Variants in DYM observed in about 807,000 individuals in gnomAD.
DYM encodes the protein dyggve-Melchior-Clausen syndrome protein.
DYM carries 78 observed loss-of-function variants against 93.1 expected under a neutral mutation model. The observed-to-expected ratio is 0.84, with a 90% confidence interval of 0.70 to 1.01. The LOEUF is 1.01. Ranked by LOEUF, DYM falls within the 50% of genes least tolerant of loss-of-function variation. DYM has a pLI of 0.00. For synonymous variants in DYM, 321 were observed against 319.7 expected (o/e 1.00, Z -0.04); for missense variants, 789 against 845.0 (o/e 0.93, Z 0.82).
chr18:49,102,986 G>A (rs1423406813), intron 16 of DYM, among the ~76,000 whole-genome samples: 1 of 152,098 alleles, frequency 6.6e-6, no homozygotes, highest in Non-Finnish European at 1.5e-5. Flanking sequence ...TTGAGGAATC[G>A]CCACACTGAC....
chr18:49,400,656 T>C (rs1412189517), intron 2 of DYM, among the ~76,000 whole-genome samples: 1 of 152,218 alleles, frequency 6.6e-6, no homozygotes. Flanking sequence ...TAGTTATTTC[T>C]ACAGAAGAAA....
chr18:49,242,723 G>A (rs969917087), intron 13 of DYM, among the ~76,000 whole-genome samples: 1 of 152,196 alleles, frequency 6.6e-6, no homozygotes, highest in South Asian at 2.1e-4. Context: ...TTTTTGAGAC[G>A]GAGTCTAGCT....
chr18:49,385,429 C>T (rs956608743), intron 3 of DYM, among the ~76,000 whole-genome samples: 1 of 152,198 alleles, frequency 6.6e-6, no homozygotes, highest in Admixed American at 6.5e-5. Context: ...GGCACAGTGG[C>T]TCAAGCCTGT....
rs193176599 is a variant in DYM, at chr18:49,244,656, G to A, written c.1460+12354C>T. 1.4e-3 allele frequency among the ~76,000 whole-genome samples: 213 copies of A among 152,064 alleles called. 3 individuals are homozygous for A. The highest frequency in any genetic ancestry group is 6.6e-4 in the Non-Finnish European group (45 of 67,982). ...ATATTATTGGATAACACAAATAACC[G>A]ATTGCATAGGATCCAGTATGTGTGT... On this transcript the variant is annotated intron_variant, in intron 13 of 17. Transcript: ENST00000675505.
chr18:49,149,573 AAC>A (rs1481307243), intron 15 of DYM, among the ~76,000 whole-genome samples: 1 of 152,068 alleles, frequency 6.6e-6, no homozygotes, highest in Non-Finnish European at 1.5e-5. Context: ...CTTACATTAG[AAC>A]AGAGGCTTCA....
intron 17 of DYM, among the ~76,000 whole-genome samples, chr18:49,083,631 GTTC>G (rs1422214365): frequency 1.3e-5 from 2 of 152,138 alleles, no homozygotes; most frequent in African/African-American, 4.8e-5. Flanking sequence ...ATGAGCCTGT[GTTC>G]TTCTTTATGG....
At chr18:49,302,606 G>A (rs913967811) in intron 8 of DYM, among the ~76,000 whole-genome samples, 3 of 152,152 alleles carry the variant, frequency 2.0e-5, no homozygotes, top group Non-Finnish European at 4.4e-5. Flanking sequence ...TGTTGAAGGC[G>A]GAGGTGGGGG....
chr18:49,114,647 A>C (rs750710682), intron 16 of DYM: 19 of 902,240 alleles, frequency 2.1e-5, no homozygotes, highest in Non-Finnish European at 2.4e-5. Flanking sequence ...GGTCTTTCAG[A>C]GACTTTTTTT....
chr18:49,112,572 T>C (rs2081520634), intron 16 of DYM, among the ~76,000 whole-genome samples: 1 of 152,160 alleles, frequency 6.6e-6, no homozygotes, highest in Admixed American at 6.5e-5. Context: ...AGTTATGATT[T>C]TGTAGTTTAC....
At chr18:49,215,273 T>C (rs773602709) in intron 13 of DYM, among the ~76,000 whole-genome samples, 1 of 152,206 alleles carries the variant, frequency 6.6e-6, no homozygotes, top group Non-Finnish European at 1.5e-5. Flanking sequence ...TCTCATGGGC[T>C]ATGGTTTTCA....
intron 6 of DYM, among the ~76,000 whole-genome samples, chr18:49,338,973 AAAG>A (rs2063872007): frequency 6.6e-6 from 1 of 152,260 alleles, no homozygotes; most frequent in East Asian, 1.9e-4. Context: ...TAATAGACTG[AAAG>A]AAGAACACGA....
chr18:49,074,871 T>C (rs1359718411), intron 17 of DYM, among the ~76,000 whole-genome samples: 2 of 152,216 alleles, frequency 1.3e-5, no homozygotes, highest in African/African-American at 4.8e-5. Context: ...TTTCAGATCG[T>C]CTCAAATTCA....
intron 17 of DYM, among the ~76,000 whole-genome samples, chr18:49,068,083 A>C (rs995524453): frequency 6.6e-6 from 1 of 152,252 alleles, no homozygotes; most frequent in Non-Finnish European, 1.5e-5. Flanking sequence ...AGGGGCAATG[A>C]CTAGTAATAG....
At chr18:49,321,754 A>AC (rs2062495339) in intron 8 of DYM, among the ~76,000 whole-genome samples, 1 of 151,844 alleles carries the variant, frequency 6.6e-6, no homozygotes, top group African/African-American at 2.4e-5. Flanking sequence ...AATCCTGAAA[A>AC]GGGGGGGAAA....
At chr18:49,393,910 C>T (rs1262009699) in intron 2 of DYM, among the ~76,000 whole-genome samples, 1 of 152,126 alleles carries the variant, frequency 6.6e-6, no homozygotes, top group African/African-American at 2.4e-5. Context: ...TATGATTCCT[C>T]TTATATGAGG....
At chr18:49,104,230 T>C (rs1192790657) in intron 16 of DYM, among the ~76,000 whole-genome samples, 1 of 152,194 alleles carries the variant, frequency 6.6e-6, no homozygotes, top group Non-Finnish European at 1.5e-5. Context: ...TATTGGTGTA[T>C]AAGAATGCTT....
chr18:49,183,987 C>G (rs2090182572), intron 14 of DYM, among the ~76,000 whole-genome samples: 3 of 152,280 alleles, frequency 2.0e-5, no homozygotes, highest in African/African-American at 7.2e-5. Flanking sequence ...CCTCACCAGA[C>G]CCCACTAGAC....
At chr18:49,164,010 T>G (rs1320625148) in intron 14 of DYM, among the ~76,000 whole-genome samples, 1 of 152,158 alleles carries the variant, frequency 6.6e-6, no homozygotes, top group Admixed American at 6.6e-5. Flanking sequence ...AATTTTTTAA[T>G]GACAGTTTAA....
At chr18:49,328,922 C>T (rs1462295156) in intron 8 of DYM, among the ~76,000 whole-genome samples, 2 of 152,114 alleles carry the variant, frequency 1.3e-5, no homozygotes, top group East Asian at 3.9e-4. Flanking sequence ...ACCCAGCCAT[C>T]CCATTACTGG....
Sources: gnomAD v4.1 joint callset for allele counts (sites outside exome capture counted in the v4.1 genomes callset) on GRCh38, gnomAD v4.1.1 for gene constraint, MANE v1.5 for transcripts, NCBI Gene and HGNC (gene_info 2026-07-23, HGNC 2026-07-21) for gene names.